The following SGCG variants were observed in gnomAD, a reference collection of about 807,000 sequenced individuals.
SGCG encodes the protein gamma-sarcoglycan.
In SGCG, 26 loss-of-function variants were observed where a neutral mutation model predicts 29.3. That is an observed-to-expected ratio of 0.89 (90% CI 0.65 to 1.23). SGCG has a LOEUF of 1.23. SGCG is among the 50% of genes most tolerant of loss of function. The pLI is 0.00. For synonymous variants in SGCG, 145 were observed against 129.7 expected, an observed-to-expected ratio of 1.12 and a Z score of -0.80; for missense variants, 353 against 356.0, an observed-to-expected ratio of 0.99 and a Z score of 0.07.
At chr13:23,279,538 T>C in intron 5 of SGCG, 60 bp downstream of exon 5, 6 of 1,531,160 alleles carry the variant, frequency 3.9e-6, no homozygotes, top group African/African-American at 1.4e-5. Context: ...CAAAAACACA[T>C]TGTACTATTG....
At chr13:23,260,739 T>C (rs1470135208) in intron 4 of SGCG, among the ~76,000 whole-genome samples, 1 of 152,192 alleles carries the variant, frequency 6.6e-6, no homozygotes, top group Non-Finnish European at 1.5e-5. Flanking sequence ...AAGGCAGGCT[T>C]TGTGGTGACA....
At chr13:23,173,829 G>A in the SGCG span, among the ~76,000 whole-genome samples, 17 of 152,018 alleles carry the variant, frequency 1.1e-4, no homozygotes, top group African/African-American at 4.1e-4. Context: ...AATAAATTGG[G>A]AATAATATTA....
intron 4 of SGCG, among the ~76,000 whole-genome samples, chr13:23,255,964 C>G (rs1408358344): frequency 6.6e-6 from 1 of 152,166 alleles, no homozygotes; most frequent in Non-Finnish European, 1.5e-5. Flanking sequence ...ACACACCCAG[C>G]ATGTCACTAC....
At chr13:23,164,091 G>A in the SGCG span, among the ~76,000 whole-genome samples, 9 of 152,104 alleles carry the variant, frequency 5.9e-5, no homozygotes, top group African/African-American at 1.9e-4. Context: ...TGGTAACCAG[G>A]TTTTTGTTTT....
At chr13:23,229,107 T>C (rs1593185275) in intron 2 of SGCG, among the ~76,000 whole-genome samples, 4 of 152,316 alleles carry the variant, frequency 2.6e-5, no homozygotes, top group Admixed American at 2.6e-4. Flanking sequence ...TAACCTCAGA[T>C]GATCCACCTG....
chr13:23,322,177 G>A (rs1883062559), intron 7 of SGCG, among the ~76,000 whole-genome samples: 1 of 152,180 alleles, frequency 6.6e-6, no homozygotes, highest in Non-Finnish European at 1.5e-5. Context: ...TGAGTGCAGT[G>A]AGTGACATGG....
chr13:23,224,733 G>A (rs1453266785), intron 2 of SGCG, among the ~76,000 whole-genome samples: 1 of 151,292 alleles, frequency 6.6e-6, no homozygotes, highest in East Asian at 2.0e-4. Context: ...TTCCTACTAA[G>A]CCAGGCACAG....
chr13:23,291,446 A>G (rs980879691), intron 5 of SGCG, among the ~76,000 whole-genome samples: 10 of 152,220 alleles, frequency 6.6e-5, no homozygotes, highest in Middle Eastern at 3.2e-3. Flanking sequence ...TTGAAGATCA[A>G]CAACCATTTC....
At chr13:23,264,342 A>G (rs1661057592) in intron 4 of SGCG, among the ~76,000 whole-genome samples, 1 of 152,068 alleles carries the variant, frequency 6.6e-6, no homozygotes, top group South Asian at 2.1e-4. Context: ...TGGTTACAAA[A>G]AAAAAATACC....
At chr13:23,176,168 A>G (rs1210321396), upstream of SGCG, among the ~76,000 whole-genome samples, 1 of 152,128 alleles carries the variant, frequency 6.6e-6, no homozygotes, top group Non-Finnish European at 1.5e-5. Flanking sequence ...TACTTCCTAT[A>G]ATGTCAGCCA....
chr13:23,200,670 G>GA (rs1176841403), intron 1 of SGCG, among the ~76,000 whole-genome samples: 2 of 152,106 alleles, frequency 1.3e-5, no homozygotes, highest in African/African-American at 4.8e-5. Flanking sequence ...TGCTACAGAA[G>GA]AAAAAATGTC....
intron 3 of SGCG, among the ~76,000 whole-genome samples, chr13:23,237,882 G>GA (rs1045669058): frequency 6.6e-6 from 1 of 150,822 alleles, no homozygotes; most frequent in Non-Finnish European, 1.5e-5. Context: ...AAAATGACTA[G>GA]AAAAACACAC....
chr13:23,290,062 G>A (rs1324971495), intron 5 of SGCG, among the ~76,000 whole-genome samples: 2 of 152,150 alleles, frequency 1.3e-5, no homozygotes, highest in Non-Finnish European at 2.9e-5. Context: ...CCTATGAATC[G>A]GGTGTATGGC....
chr13:23,245,550 T>C (rs1879676069), intron 3 of SGCG: 2 of 152,024 alleles, frequency 1.3e-5, no homozygotes, highest in South Asian at 4.2e-4. Context: ...AGAGAAAGAG[T>C]CAGCCCCAGA....
At chr13:23,267,148 A>G (rs74997642) in intron 4 of SGCG, among the ~76,000 whole-genome samples, 6,112 of 152,294 alleles carry the variant, frequency 0.04, 147 homozygotes, top group South Asian at 0.1. Flanking sequence ...AATATGAGAC[A>G]CACCCAGAAA....
intron 1 of SGCG, among the ~76,000 whole-genome samples, chr13:23,201,734 A>G (rs1328864178): frequency 1.3e-5 from 2 of 152,220 alleles, no homozygotes; most frequent in Non-Finnish European, 2.9e-5. Context: ...TAGGACTGGG[A>G]ATATGTAGAA....
the SGCG span, among the ~76,000 whole-genome samples, chr13:23,173,744 T>C: frequency 6.6e-6 from 1 of 152,232 alleles, no homozygotes; most frequent in Non-Finnish European, 1.5e-5. Context: ...ACAAATACAT[T>C]TAAATTTTAT....
At chr13:23,266,240 C>T (rs549860833) in intron 4 of SGCG, among the ~76,000 whole-genome samples, 1 of 150,970 alleles carries the variant, frequency 6.6e-6, no homozygotes, top group Non-Finnish European at 1.5e-5. Context: ...CCACTGCACT[C>T]CAGCCTGGGC....
chr13:23,168,968 T>A, the SGCG span, among the ~76,000 whole-genome samples: 1 of 152,062 alleles, frequency 6.6e-6, no homozygotes, highest in African/African-American at 2.4e-5. Flanking sequence ...GGTATTCTTA[T>A]AATCATCATT....
Sources: gnomAD v4.1 joint callset for allele counts (sites outside exome capture counted in the v4.1 genomes callset) on GRCh38, gnomAD v4.1.1 for gene constraint, MANE v1.5 for transcripts, NCBI Gene and HGNC (gene_info 2026-07-23, HGNC 2026-07-21) for gene names.